NTN1: variants seen among roughly 807,000 people sequenced by gnomAD.
NTN1 encodes the protein netrin 1.
Under a neutral mutation model 54.2 loss-of-function variants are expected in NTN1, and 11 were observed. The ratio of observed to expected loss-of-function variants is 0.20; its 90% confidence interval spans 0.13 to 0.34. The LOEUF is 0.34. NTN1 is among the 10% of genes least tolerant of loss of function. NTN1 has a pLI of 1.00. For missense variants in NTN1, 740 were observed against 893.1 expected, an observed-to-expected ratio of 0.83 and a Z score of 2.18; for synonymous variants, 371 against 382.0, an observed-to-expected ratio of 0.97 and a Z score of 0.33.
chr17:9,214,290 A>G (rs1025220002), intron 5 of NTN1, among the ~76,000 whole-genome samples: 4 of 152,180 alleles, frequency 2.6e-5, no homozygotes, highest in Non-Finnish European at 5.9e-5. Context: ...TTCTTTCACT[A>G]AGGATTTCTG....
intron 2 of NTN1, among the ~76,000 whole-genome samples, chr17:9,054,312 T>C (rs1182593632): frequency 2.0e-5 from 3 of 152,172 alleles, no homozygotes; most frequent in African/African-American, 7.2e-5. Context: ...GAATCACTTA[T>C]TCAGGCCTGC....
intron 2 of NTN1, among the ~76,000 whole-genome samples, chr17:9,065,276 C>A (rs778257546): frequency 3.7e-4 from 56 of 152,126 alleles, no homozygotes; most frequent in Non-Finnish European, 7.5e-4. Flanking sequence ...TTGCTATAAA[C>A]CCAGAGTGGC....
At chr17:9,067,196 GGCGGAGGTT>G (rs2142212408) in intron 2 of NTN1, among the ~76,000 whole-genome samples, 1 of 151,996 alleles carries the variant, frequency 6.6e-6, no homozygotes, top group African/African-American at 2.4e-5. Context: ...GAACCCAGGA[GGCGGAGGTT>G]GCAGTGAGCC....
chr17:9,032,840 C>T (rs981766211), intron 2 of NTN1, among the ~76,000 whole-genome samples: 4 of 152,166 alleles, frequency 2.6e-5, no homozygotes, highest in Non-Finnish European at 5.9e-5. Context: ...CGACACCCAG[C>T]CCTGTTTCAC....
At chr17:9,091,834 A>T (rs35023774) in intron 2 of NTN1, among the ~76,000 whole-genome samples, 13,551 of 152,104 alleles carry the variant, frequency 0.089, 707 homozygotes, top group Non-Finnish European at 0.11. Flanking sequence ...AACTTTTTCA[A>T]CTTCCTAAAT....
chr17:9,085,270 G>T (rs1313853711), intron 2 of NTN1, among the ~76,000 whole-genome samples: 1 of 152,214 alleles, frequency 6.6e-6, no homozygotes, highest in Non-Finnish European at 1.5e-5. Context: ...CACCCTCTGG[G>T]GGGCTATCCT....
chr17:9,118,392 C>T (rs975106091), intron 2 of NTN1, among the ~76,000 whole-genome samples: 1 of 152,150 alleles, frequency 6.6e-6, no homozygotes, highest in African/African-American at 2.4e-5. Flanking sequence ...GTGGTGCGCA[C>T]CTGTAGTCCC....
At position 9,212,148 on chromosome 17, in the gene NTN1, TGG is replaced by T. The variant is rs1441504292; in HGVS notation, c.1412-9016_1412-9015del. 6.6e-6 allele frequency among the ~76,000 whole-genome samples: 1 copy of T among 152,032 alleles called. No homozygotes were observed. Among genetic ancestry groups the T allele is most frequent in the South Asian group, 2.1e-4 (1 of 4,812 alleles). Reference sequence around the variant, plus strand: ...ACTAGTACAGGCTTAGAGAGATGGGTGGGGGCTAGAGATCTGCCTGTGGGCCC... The same window carrying T: ...ACTAGTACAGGCTTAGAGAGATGGGTGGGCTAGAGATCTGCCTGTGGGCCC... On this transcript the variant is annotated intron_variant, in intron 5 of 6. Coordinates refer to ENST00000173229, the MANE Select transcript of NTN1 (RefSeq NM_004822.3). This position sits in a 1 kb window ranked among gnomAD's most constrained non-coding sequence, Gnocchi z 5.5.
chr17:9,227,690 TAC>T (rs574003349), intron 6 of NTN1, among the ~76,000 whole-genome samples: 186 of 114,228 alleles, frequency 1.6e-3, no homozygotes, highest in African/African-American at 6.7e-3. Flanking sequence ...ACCACACTTA[TAC>T]AGACACACGT....
the NTN1 span, among the ~76,000 whole-genome samples, chr17:9,010,815 G>A: frequency 6.6e-6 from 1 of 152,110 alleles, no homozygotes; most frequent in Non-Finnish European, 1.5e-5. Context: ...GTTTTTCCAT[G>A]GGCGTGGGGG....
intron 5 of NTN1, among the ~76,000 whole-genome samples, chr17:9,209,472 T>C (rs1905045411): frequency 6.6e-6 from 1 of 152,238 alleles, no homozygotes; most frequent in Admixed American, 6.5e-5. Context: ...TGGGTGGCTC[T>C]CTAGGAGACA....
chr17:9,176,562 T>C (rs2092400609), intron 3 of NTN1: 1 of 152,206 alleles, frequency 6.6e-6, no homozygotes, highest in Non-Finnish European at 1.5e-5. Flanking sequence ...CTGTCAACTC[T>C]CCCTACACCT....
At chr17:9,223,812 G>A (rs1290145279) in intron 6 of NTN1, among the ~76,000 whole-genome samples, 2 of 152,164 alleles carry the variant, frequency 1.3e-5, no homozygotes, top group Non-Finnish European at 2.9e-5. Context: ...GGAGTTAATG[G>A]GTCGCAGAGG....
At chr17:9,195,859 C>G (rs185751465) in intron 5 of NTN1, among the ~76,000 whole-genome samples, 16 of 152,322 alleles carry the variant, frequency 1.1e-4, no homozygotes, top group Admixed American at 9.8e-4. Flanking sequence ...CCTGCCAGAT[C>G]TAAAACTGCT....
chr17:9,156,129 A>G (rs957972403), intron 2 of NTN1, among the ~76,000 whole-genome samples: 93 of 152,156 alleles, frequency 6.1e-4, no homozygotes, highest in Non-Finnish European at 2.9e-5. Flanking sequence ...TGGCCTGGAC[A>G]TGTGGAAATG....
intron 2 of NTN1, among the ~76,000 whole-genome samples, chr17:9,084,801 G>A (rs1318706571): frequency 1.3e-5 from 2 of 151,820 alleles, no homozygotes; most frequent in African/African-American, 2.4e-5. Flanking sequence ...ATAGGCACCC[G>A]CCACCATGCC....
intron 6 of NTN1, among the ~76,000 whole-genome samples, chr17:9,228,310 G>A (rs541768776): frequency 6.6e-6 from 1 of 152,330 alleles, no homozygotes; most frequent in South Asian, 2.1e-4. Context: ...TAAGCAAGAA[G>A]CTAGGCATAG....
At chr17:9,125,226 T>G (rs1242570054) in intron 2 of NTN1, among the ~76,000 whole-genome samples, 1 of 139,440 alleles carries the variant, frequency 7.2e-6, no homozygotes, top group African/African-American at 3.0e-5. Context: ...CATGTTTGGC[T>G]AATTTTTTTT....
At chr17:9,086,924 T>C (rs949931259) in intron 2 of NTN1, among the ~76,000 whole-genome samples, 7 of 152,158 alleles carry the variant, frequency 4.6e-5, no homozygotes, top group Non-Finnish European at 8.8e-5. Flanking sequence ...ATCAGCACCG[T>C]TGTCATCAGT....
Sources: allele counts gnomAD v4.1 joint callset (sites outside exome capture counted in the v4.1 genomes callset), GRCh38; gene constraint gnomAD v4.1.1; non-coding constraint Gnocchi (gnomAD v3.1); transcripts MANE v1.5; gene names NCBI Gene and HGNC (gene_info 2026-07-23, HGNC 2026-07-21).